The following MYO7A variants were observed in gnomAD, a reference collection of about 807,000 sequenced individuals.
MYO7A encodes unconventional myosin-VIIa.
MYO7A carries 210 observed loss-of-function variants against 263.8 expected under a neutral mutation model. That is an observed-to-expected ratio of 0.80 (90% confidence interval 0.71 to 0.89). MYO7A has a LOEUF of 0.89. Ranked by LOEUF, MYO7A falls within the 40% of genes least tolerant of loss-of-function variation. MYO7A has a pLI of 0.00. For synonymous variants in MYO7A, 1,239 were observed against 1,197.3 expected (o/e 1.03, Z -0.72); for missense variants, 2,820 against 2,968.3 (o/e 0.95, Z 1.16).
intron 3 of MYO7A, 32 bp downstream of exon 3, chr11:77,142,854 G>A (rs2135629998): frequency 6.5e-7 from 1 of 1,543,850 alleles, no homozygotes; most frequent in Non-Finnish European, 8.8e-7. Context: ...CCTGCCCCAT[G>A]CCTTGGGGTC....
chr11:77,157,153 G>T, intron 7 of MYO7A, 126 bp from the exon 8 acceptor site: 1 of 1,376,314 alleles, frequency 7.3e-7, no homozygotes. Context: ...ATCCCACCAT[G>T]AAACCCACCG....
intron 14 of MYO7A, 29 bp downstream of exon 14, chr11:77,163,017 TC>T: frequency 6.2e-7 from 1 of 1,610,710 alleles, no homozygotes; most frequent in Non-Finnish European, 8.5e-7. Flanking sequence ...TGTCTGTCAC[TC>T]CCTGCCCGTG....
At chr11:77,162,028 A>T in intron 12 of MYO7A, 92 bp from the exon 13 acceptor site, 1 of 1,145,322 alleles carries the variant, frequency 8.7e-7, no homozygotes. Context: ...ATAGCTTGCT[A>T]ATGGCCATGC....
rs1555078805 is a variant in MYO7A at position 77,174,751 on chromosome 11, G to A, written c.1936-5G>A. On this transcript the variant is annotated splice_region_variant and splice_polypyrimidine_tract_variant and intron_variant, in intron 16 of 48. Coordinates refer to ENST00000409709, the MANE Select transcript of MYO7A (RefSeq NM_000260.4). ...CCCTGATGCCCTTGGCTGTGTGCCT[G>A]GCAGCTGTTCGACCGGCACCTGTGC... 1 of 1,577,436 alleles carries A rather than the reference G, an allele frequency of 6.3e-7. No individual in the cohort carries two copies.
At chr11:77,165,241 T>A (rs180923654) in intron 14 of MYO7A, among the ~76,000 whole-genome samples, 16 of 152,362 alleles carry the variant, frequency 1.1e-4, no homozygotes, top group Admixed American at 2.0e-4. Flanking sequence ...CCGCCATTCA[T>A]GGGCAGCCTA....
intron 32 of MYO7A, among the ~76,000 whole-genome samples, chr11:77,197,087 C>T (rs1956719186): frequency 1.3e-5 from 2 of 152,192 alleles, no homozygotes; most frequent in Non-Finnish European, 2.9e-5. Context: ...GTCCCCATTC[C>T]CTCTCTTCCC....
chr11:77,168,228 C>T (rs1409595717), intron 15 of MYO7A, among the ~76,000 whole-genome samples: 1 of 152,146 alleles, frequency 6.6e-6, no homozygotes, highest in Non-Finnish European at 1.5e-5. Flanking sequence ...ATTTCCTGCT[C>T]GAGTTTCCTA....
intron 14 of MYO7A, among the ~76,000 whole-genome samples, chr11:77,165,191 G>C (rs1224813787): frequency 6.6e-6 from 1 of 152,176 alleles, no homozygotes; most frequent in Non-Finnish European, 1.5e-5. Context: ...CCCCTCCCCA[G>C]GTGCCAGGCG....
chr11:77,177,576 G>C lies in MYO7A; in HGVS notation c.2215G>C (p.Glu739Gln), dbSNP rs1954751816. The change falls in exon 19 of 49, where the codon GAG (glutamate) becomes CAG (glutamine). Residue 739 changes from glutamate to glutamine, a missense_variant. By Grantham distance (29) the Glu-to-Gln change is conservative. Coordinates refer to ENST00000409709, the MANE Select transcript of MYO7A (RefSeq NM_000260.4). The stretch of plus-strand genomic sequence containing the variant: ...CCACCATGACATGCTGCTGGAAGTG[G>C]AGCGGGACAAAGCCATCACCGACAG... Reference protein sequence around the residue: ...KDHHDMLLEVERDKAITDRVI... With the variant: ...KDHHDMLLEVQRDKAITDRVI... The C allele has an allele frequency of 6.2e-7, 1 of 1,611,982 alleles. No individual in the cohort carries two copies. The highest frequency in any genetic ancestry group is 1.7e-5 in the Admixed American group (1 of 59,900).
At chr11:77,159,207 G>A (rs985697241) in intron 9 of MYO7A, among the ~76,000 whole-genome samples, 13 of 152,212 alleles carry the variant, frequency 8.5e-5, no homozygotes, top group African/African-American at 3.1e-4. Flanking sequence ...CGAATGCCAG[G>A]CATGGTGCCA....
In MYO7A at chr11:77,213,860, G is replaced by A; in HGVS notation, c.6439G>A (p.Asp2147Asn). The change falls in exon 48 of 49, where the codon GAT becomes AAT. Residue 2147 changes from aspartate (D) to asparagine (N), a missense_variant and splice_region_variant. Coordinates refer to ENST00000409709, the MANE Select transcript of MYO7A (RefSeq NM_000260.4). ...GVSLIDPKTKDILTTHPFTKI... is the reference protein window; with the variant it reads ...GVSLIDPKTKNILTTHPFTKI... ...CTCTATGCCCTTTCTGCTCCCCCAG[G>A]ATATCCTCACCACTCATCCCTTCAC... 1 of 1,614,026 alleles carries A rather than the reference G, an allele frequency of 6.2e-7. No individual in the cohort carries two copies. Among genetic ancestry groups the A allele is most frequent in the Non-Finnish European group, 8.5e-7 (1 of 1,179,912 alleles).
chr11:77,166,448 C>T (rs1315028051), intron 15 of MYO7A, among the ~76,000 whole-genome samples: 1 of 152,156 alleles, frequency 6.6e-6, no homozygotes, highest in Non-Finnish European at 1.5e-5. Context: ...TGGGGGTTCA[C>T]CCCCTGGAAT....
At chr11:77,195,104 G>A (rs118188655) in intron 32 of MYO7A, among the ~76,000 whole-genome samples, 18 of 152,182 alleles carry the variant, frequency 1.2e-4, no homozygotes, top group Non-Finnish European at 2.1e-4. Context: ...AATTGCCCCC[G>A]TACATAAGTC....
Position 77,190,240 on chromosome 11 carries a change from C to A in MYO7A, c.3750+101C>A, listed in dbSNP as rs564407813. 3 of 1,180,622 alleles carry A rather than the reference C, an allele frequency of 2.5e-6. No homozygotes were observed. The African/African-American group carries it at 4.7e-5, about 19-fold the overall frequency. 73.1% of individuals were successfully genotyped at this position (1,180,622 alleles called of 1,614,324 possible). On this transcript the variant is annotated intron_variant, in intron 29 of 48. Transcript: ENST00000409709. ...GCACTCGAGTGCCCCAGAAACATTC[C>A]CTGCTTTGAGATTCTGTGGTTCCTC...
chr11:77,190,815 A>C lies in MYO7A; in HGVS notation c.3869A>C (p.Lys1290Thr). 6.3e-7 allele frequency: 1 copy of C among 1,591,436 alleles called. No homozygotes were observed. The highest frequency in any genetic ancestry group is 2.3e-5 in the East Asian group (1 of 43,738). ...GAGCTCTGCAACGCGCTGGCCGACA[A>C]GATCTCTCTCAAGGACCGGTTCGGG... The part of the protein sequence containing the change: ...AKELCNALAD[K>T]ISLKDRFGFS... Residue 1290 changes from lysine (K) to threonine (T), a missense_variant, in exon 30 of 49, where the codon AAG becomes ACG. Lys to Thr is a moderately conservative substitution (Grantham distance 78, BLOSUM62 -1). Coordinates refer to ENST00000409709, the MANE Select transcript of MYO7A (RefSeq NM_000260.4).
At chr11:77,131,403 T>C (rs1324609976) in intron 2 of MYO7A, among the ~76,000 whole-genome samples, 1 of 152,156 alleles carries the variant, frequency 6.6e-6, no homozygotes, top group Non-Finnish European at 1.5e-5. Context: ...TGTTTGCATA[T>C]GAGTGCGTGC....
At chr11:77,213,258 T>C (rs924457444) in intron 47 of MYO7A, among the ~76,000 whole-genome samples, 4 of 152,254 alleles carry the variant, frequency 2.6e-5, no homozygotes, top group Admixed American at 6.5e-5. Context: ...TCCTATGGAA[T>C]GTGAACTCCC....
In MYO7A at chr11:77,138,470, G is replaced by A. The variant is rs1951007846; in HGVS notation, c.19-4239G>A. Reference sequence around the variant, plus strand: ...GGAGGGGGAGGGCGCCTCGCCCCGGGCCTCAGTTTCCCCGCCTGTTAGAAG... The same window carrying A: ...GGAGGGGGAGGGCGCCTCGCCCCGGACCTCAGTTTCCCCGCCTGTTAGAAG... On this transcript the variant is annotated intron_variant, in intron 2 of 48. Transcript: ENST00000409709. The surrounding 1 kb of genome is among the most constrained non-coding windows in gnomAD (Gnocchi z 4.9). Among the ~76,000 whole-genome samples, 1 of 152,216 alleles carries A rather than the reference G, an allele frequency of 6.6e-6. No homozygotes were observed. The highest frequency in any genetic ancestry group is 2.1e-4 in the South Asian group (1 of 4,834).
intron 20 of MYO7A, 144 bp downstream of exon 20, chr11:77,179,273 C>T: frequency 1.5e-6 from 1 of 675,360 alleles, no homozygotes; most frequent in Non-Finnish European, 2.5e-6. Context: ...CACTACCATT[C>T]CTCCAGACCG....
Sources: allele counts gnomAD v4.1 joint callset (sites outside exome capture counted in the v4.1 genomes callset), GRCh38; gene constraint gnomAD v4.1.1; non-coding constraint Gnocchi (gnomAD v3.1); transcripts MANE v1.5; gene names NCBI Gene and HGNC (gene_info 2026-07-23, HGNC 2026-07-21).